C3orf20: variants seen among roughly 807,000 people sequenced by gnomAD.
C3orf20 encodes the protein family with sequence similarity 149 member C, also known as uncharacterized protein C3orf20.
Under a neutral mutation model 88.3 loss-of-function variants are expected in C3orf20, and 76 were observed. That is an observed-to-expected ratio of 0.86 (90% CI 0.72 to 1.04). The LOEUF is 1.04. Ranked by LOEUF, C3orf20 falls within the 50% of genes least tolerant of loss-of-function variation. The pLI, the probability that C3orf20 is intolerant of heterozygous loss-of-function variation, is 0.00. For synonymous variants in C3orf20, 436 were observed against 437.4 expected, an observed-to-expected ratio of 1.00 and a Z score of 0.04; for missense variants, 1,056 against 1,123.3, an observed-to-expected ratio of 0.94 and a Z score of 0.86.
chr3:14,732,071 C>A (rs2034553956), intron 12 of C3orf20, among the ~76,000 whole-genome samples: 1 of 152,240 alleles, frequency 6.6e-6, no homozygotes, highest in Non-Finnish European at 1.5e-5. Context: ...AAACTGCCAA[C>A]TGTCTTCCCA....
chr3:14,704,311 C>A (rs752976445), intron 6 of C3orf20, 26 bp from the exon 7 acceptor site: 1 of 1,611,300 alleles, frequency 6.2e-7, no homozygotes, highest in Admixed American at 1.7e-5. Context: ...AAAGGCTAGA[C>A]AATATATTGC....
intron 9 of C3orf20, among the ~76,000 whole-genome samples, chr3:14,716,782 C>T (rs142691379): frequency 1.1e-4 from 17 of 152,186 alleles, no homozygotes; most frequent in African/African-American, 3.9e-4. Flanking sequence ...TCTCTGGCTG[C>T]GTATCAGAGT....
chr3:14,689,083 C>T (rs2032586052), intron 4 of C3orf20, among the ~76,000 whole-genome samples: 1 of 151,960 alleles, frequency 6.6e-6, no homozygotes, highest in Non-Finnish European at 1.5e-5. Context: ...GCAGAGGTCT[C>T]AGTATATATA....
At chr3:14,727,926 A>T (rs1312419874) in intron 11 of C3orf20, among the ~76,000 whole-genome samples, 2 of 152,186 alleles carry the variant, frequency 1.3e-5, no homozygotes, top group African/African-American at 4.8e-5. Context: ...CTGCATGCTC[A>T]GCACCCACAT....
rs200928244 is a variant in C3orf20 at position 14,714,023 on chromosome 3, G to T, written c.1177G>T (p.Val393Phe). Reference sequence around the variant, plus strand: ...TTCTGCCAGCTATCCCTCTGGAAACGTCGCTGTATGTCAGATCCCCACATG... The same window carrying T: ...TTCTGCCAGCTATCCCTCTGGAAACTTCGCTGTATGTCAGATCCCCACATG... ...SSFVYYPSGNVAVCQIPTCCR... is the reference protein window; with the variant it reads ...SSFVYYPSGNFAVCQIPTCCR... The change falls in exon 8 of 17, where the codon GTC becomes TTC. Residue 393 changes from valine (V) to phenylalanine (F), a missense_variant. Val to Phe is a conservative substitution (Grantham distance 50, BLOSUM62 -1). Transcript: ENST00000253697. 1 of 1,614,060 alleles carries T rather than the reference G, an allele frequency of 6.2e-7. No homozygotes were observed. The highest frequency in any genetic ancestry group is 1.1e-5 in the South Asian group (1 of 91,072).
chr3:14,724,125 A>T (rs918990279), intron 10 of C3orf20, among the ~76,000 whole-genome samples: 99 of 152,242 alleles, frequency 6.5e-4, no homozygotes, highest in African/African-American at 2.3e-3. Flanking sequence ...GGCCAGAAAA[A>T]GCTATTGTTA....
At chr3:14,727,317 C>G (rs1049554309) in intron 11 of C3orf20, among the ~76,000 whole-genome samples, 1 of 152,202 alleles carries the variant, frequency 6.6e-6, no homozygotes, top group African/African-American at 2.4e-5. Context: ...CTGGGTTTCT[C>G]GGTAGCTGGC....
chr3:14,765,477 A>C (rs1273920874), intron 15 of C3orf20: 1 of 152,200 alleles, frequency 6.6e-6, no homozygotes, highest in Non-Finnish European at 1.5e-5. Context: ...ATTGTTTTCT[A>C]TGTCCTCCGT....
chr3:14,687,033 C>T (rs571416684), intron 4 of C3orf20, among the ~76,000 whole-genome samples: 98 of 152,338 alleles, frequency 6.4e-4, no homozygotes, highest in African/African-American at 2.2e-3. Flanking sequence ...TCCAATGCCC[C>T]TGATGCCTGA....
At chr3:14,741,369 C>T (rs751822325) in intron 12 of C3orf20, among the ~76,000 whole-genome samples, 8 of 152,160 alleles carry the variant, frequency 5.3e-5, no homozygotes, top group Non-Finnish European at 1.2e-4. Context: ...CCTGTCATCC[C>T]TGGGTTTACT....
chr3:14,742,026 C>T (rs2034913963), intron 12 of C3orf20, among the ~76,000 whole-genome samples: 1 of 152,220 alleles, frequency 6.6e-6, no homozygotes, highest in Non-Finnish European at 1.5e-5. Flanking sequence ...CCTGCTTTAG[C>T]TAATCCTCAG....
chr3:14,716,867 G>A (rs557744430), intron 9 of C3orf20, among the ~76,000 whole-genome samples: 135 of 152,332 alleles, frequency 8.9e-4, no homozygotes, highest in Non-Finnish European at 1.5e-3. Context: ...TGGTATGTTA[G>A]GAGTTTTGGA....
At chr3:14,699,389 T>C (rs1264551728) in intron 5 of C3orf20, among the ~76,000 whole-genome samples, 2 of 152,154 alleles carry the variant, frequency 1.3e-5, no homozygotes, top group African/African-American at 4.8e-5. Context: ...TGTCTCAGAG[T>C]GTCACCCAAG....
At chr3:14,715,087 C>T (rs1457863338) in intron 8 of C3orf20, among the ~76,000 whole-genome samples, 3 of 152,202 alleles carry the variant, frequency 2.0e-5, no homozygotes, top group Admixed American at 6.5e-5. Context: ...TCATCTCTCT[C>T]AGAATAGGCT....
intron 10 of C3orf20, among the ~76,000 whole-genome samples, chr3:14,723,363 A>G (rs1196876941): frequency 6.6e-6 from 1 of 152,148 alleles, no homozygotes; most frequent in Admixed American, 6.6e-5. Flanking sequence ...TTCCCACTAC[A>G]TTTTCATTCC....
chr3:14,692,984 T>C (rs2032807448), intron 5 of C3orf20, among the ~76,000 whole-genome samples: 1 of 152,226 alleles, frequency 6.6e-6, no homozygotes, highest in Admixed American at 6.5e-5. Context: ...AGATTGTTCT[T>C]TCCCCATTGT....
chr3:14,714,964 C>T (rs942311953), intron 8 of C3orf20, among the ~76,000 whole-genome samples: 1 of 152,194 alleles, frequency 6.6e-6, no homozygotes, highest in Admixed American at 6.5e-5. Flanking sequence ...ATGACTTACT[C>T]TTATGTTATA....
At chr3:14,675,780 C>G (rs979486672) in intron 1 of C3orf20, among the ~76,000 whole-genome samples, 10 of 152,026 alleles carry the variant, frequency 6.6e-5, no homozygotes, top group East Asian at 1.9e-4. Context: ...AACCTCCACT[C>G]CCCGGGTTCA....
intron 7 of C3orf20, among the ~76,000 whole-genome samples, chr3:14,711,072 T>C (rs2124951869): frequency 6.6e-6 from 1 of 152,246 alleles, no homozygotes; most frequent in South Asian, 2.1e-4. Flanking sequence ...CTTTTTTGTA[T>C]TTTTAGTGGA....
Sources: allele counts gnomAD v4.1 joint callset (sites outside exome capture counted in the v4.1 genomes callset), GRCh38; gene constraint gnomAD v4.1.1; transcripts MANE v1.5; gene names NCBI Gene and HGNC (gene_info 2026-07-23, HGNC 2026-07-21).